PITPNC1: variants seen among roughly 807,000 people sequenced by gnomAD.
PITPNC1 encodes phosphatidylinositol transfer protein cytoplasmic 1.
PITPNC1 carries 18 observed loss-of-function variants against 44.7 expected under a neutral mutation model. The ratio of observed to expected loss-of-function variants is 0.40; its 90% CI spans 0.28 to 0.60. PITPNC1 has a LOEUF of 0.60. Ranked by LOEUF, PITPNC1 falls within the 20% of genes least tolerant of loss-of-function variation. PITPNC1 has a pLI of 0.39. For missense variants in PITPNC1, 290 were observed against 418.4 expected, an observed-to-expected ratio of 0.69 and a Z score of 2.68; for synonymous variants, 141 against 149.6, an observed-to-expected ratio of 0.94 and a Z score of 0.42.
intron 6 of PITPNC1, among the ~76,000 whole-genome samples, chr17:67,633,240 C>T (rs2041992808): frequency 6.6e-6 from 1 of 152,156 alleles, no homozygotes; most frequent in African/African-American, 2.4e-5. Flanking sequence ...GCCCCAGACT[C>T]GTCCTTGAGC....
At chr17:67,401,800 G>A (rs2038316810) in intron 1 of PITPNC1, among the ~76,000 whole-genome samples, 5 of 151,532 alleles carry the variant, frequency 3.3e-5, no homozygotes, top group South Asian at 4.1e-4. Flanking sequence ...CCGGGATTGC[G>A]CCACTGCACT....
At chr17:67,554,607 A>G (rs1480289414) in intron 4 of PITPNC1, among the ~76,000 whole-genome samples, 1 of 152,190 alleles carries the variant, frequency 6.6e-6, no homozygotes, top group African/African-American at 2.4e-5. Flanking sequence ...TTTGGGTTCA[A>G]TCCAAATAGC....
chr17:67,690,448 C>CAAAAA (rs58085156), intron 8 of PITPNC1, among the ~76,000 whole-genome samples: 35 of 113,360 alleles, frequency 3.1e-4, no homozygotes, highest in African/African-American at 1.2e-3. Flanking sequence ...AACTCTGTCT[C>CAAAAA]AAAAAAAAAA....
chr17:67,488,911 G>A (rs2039346104), intron 1 of PITPNC1, among the ~76,000 whole-genome samples: 1 of 152,202 alleles, frequency 6.6e-6, no homozygotes, highest in Admixed American at 6.5e-5. Flanking sequence ...GTGTGGTAGT[G>A]TGTATCAGAA....
intron 1 of PITPNC1, among the ~76,000 whole-genome samples, chr17:67,398,794 G>A (rs2038260735): frequency 6.6e-6 from 1 of 151,970 alleles, no homozygotes; most frequent in Admixed American, 6.6e-5. Flanking sequence ...TTCATTGCAC[G>A]TCACAATCCG....
chr17:67,484,201 A>G (rs1445774766), intron 1 of PITPNC1, among the ~76,000 whole-genome samples: 11 of 152,108 alleles, frequency 7.2e-5, no homozygotes, highest in Non-Finnish European at 4.4e-5. Context: ...TACAGGGGCG[A>G]GCCTCCACAC....
chr17:67,533,500 G>GT (rs2040491004), intron 2 of PITPNC1, among the ~76,000 whole-genome samples: 4 of 26,144 alleles, frequency 1.5e-4, no homozygotes, highest in African/African-American at 5.8e-4. Context: ...ACAGAGTGAG[G>GT]CCCTTGAAAA....
chr17:67,676,614 C>T lies in PITPNC1; in HGVS notation c.682+1072C>T, dbSNP rs1005985599. Among the ~76,000 whole-genome samples, 1 of 152,100 alleles carries T rather than the reference C, an allele frequency of 6.6e-6. No homozygotes were observed. The highest frequency in any genetic ancestry group is 2.4e-5 in the African/African-American group (1 of 41,396). On this transcript the variant is annotated intron_variant, in intron 8 of 8. Coordinates refer to ENST00000581322, the MANE Select transcript of PITPNC1 (RefSeq NM_012417.4). This position sits in a 1 kb window ranked among gnomAD's most constrained non-coding sequence, Gnocchi z 4.0. ...TTCTCCTTGGCCTTTTCCAAAGTCACATTAAATTTGTTCTGAGTATAACCT... is the reference window on the plus strand; with the variant it reads ...TTCTCCTTGGCCTTTTCCAAAGTCATATTAAATTTGTTCTGAGTATAACCT...
intron 1 of PITPNC1, among the ~76,000 whole-genome samples, chr17:67,499,925 A>G (rs932855018): frequency 3.9e-5 from 6 of 152,236 alleles, no homozygotes; most frequent in African/African-American, 1.2e-4. Flanking sequence ...ATGACTGTAC[A>G]TCTGTTCTTA....
chr17:67,537,361 T>C (rs1329970594), intron 2 of PITPNC1, among the ~76,000 whole-genome samples: 1 of 152,216 alleles, frequency 6.6e-6, no homozygotes, highest in Non-Finnish European at 1.5e-5. Context: ...AGCAAGATTG[T>C]TGGGTACAAT....
At position 67,682,216 on chromosome 17, in the gene PITPNC1, A is replaced by C. The variant is rs76044644; in HGVS notation, c.682+6674A>C. Among the ~76,000 whole-genome samples the C allele has an allele frequency of 6.2e-3, 939 of 152,304 alleles. 8 individuals are homozygous for C. The highest frequency in any genetic ancestry group is 0.032 in the East Asian group (165 of 5,184). ...CTCTGTCTCAAAAAAGAAAAAAAGA[A>C]AAAGAAATACAAATTGCCCATGAAT... On this transcript the variant is annotated intron_variant, in intron 8 of 8. Transcript: ENST00000581322.
At chr17:67,494,082 G>A (rs571157739) in intron 1 of PITPNC1, among the ~76,000 whole-genome samples, 5 of 152,186 alleles carry the variant, frequency 3.3e-5, no homozygotes, top group Non-Finnish European at 7.4e-5. Context: ...CTTATTATAC[G>A]ATACATATGG....
intron 2 of PITPNC1, among the ~76,000 whole-genome samples, chr17:67,534,070 T>C (rs2040497207): frequency 6.6e-6 from 1 of 151,970 alleles, no homozygotes; most frequent in South Asian, 2.1e-4. Flanking sequence ...AATTTTTGTA[T>C]TTTTAGTAGA....
chr17:67,447,333 A>G (rs761954418), intron 1 of PITPNC1, among the ~76,000 whole-genome samples: 4 of 151,624 alleles, frequency 2.6e-5, no homozygotes, highest in Non-Finnish European at 4.4e-5. Context: ...CACAATATAA[A>G]CTGCATGCTT....
chr17:67,636,878 A>T (rs1477632375), intron 6 of PITPNC1, among the ~76,000 whole-genome samples: 1 of 152,184 alleles, frequency 6.6e-6, no homozygotes, highest in Non-Finnish European at 1.5e-5. Context: ...ACCCCACCAC[A>T]GGAGTTTCCT....
chr17:67,591,384 G>A (rs1294560548), intron 5 of PITPNC1, among the ~76,000 whole-genome samples: 2 of 152,154 alleles, frequency 1.3e-5, no homozygotes, highest in Non-Finnish European at 1.5e-5. Context: ...CTGGGTAATC[G>A]GCAAAATTTA....
intron 1 of PITPNC1, chr17:67,471,538 A>G (rs745628669): frequency 1.1e-5 from 4 of 376,012 alleles, no homozygotes; most frequent in African/African-American, 6.9e-5. Context: ...ATTACTTTCA[A>G]TGGCAAAAAC....
chr17:67,442,691 A>AT (rs1456568805), intron 1 of PITPNC1, among the ~76,000 whole-genome samples: 14 of 150,384 alleles, frequency 9.3e-5, no homozygotes, highest in South Asian at 2.1e-4. Flanking sequence ...AAAAATACAA[A>AT]AATATATATA....
intron 1 of PITPNC1, among the ~76,000 whole-genome samples, chr17:67,506,564 A>G (rs914093018): frequency 1.3e-5 from 2 of 152,216 alleles, no homozygotes; most frequent in Non-Finnish European, 2.9e-5. Flanking sequence ...CTGAATGATC[A>G]TGTAAATTCA....
Sources: gnomAD v4.1 joint callset for allele counts (sites outside exome capture counted in the v4.1 genomes callset) on GRCh38, gnomAD v4.1.1 for gene constraint, Gnocchi (gnomAD v3.1) non-coding constraint, MANE v1.5 for transcripts, NCBI Gene and HGNC (gene_info 2026-07-23, HGNC 2026-07-21) for gene names.